Variants in BDH2 observed in about 807,000 individuals in gnomAD.
The protein encoded by BDH2 is 3-hydroxybutyrate dehydrogenase 2.
BDH2 carries 24 observed loss-of-function variants against 33.2 expected under a neutral mutation model. The ratio of observed to expected loss-of-function variants is 0.72; its 90% CI spans 0.52 to 1.02. The LOEUF is 1.02. BDH2 is among the 50% of genes least tolerant of loss of function. The probability of loss-of-function intolerance (pLI) is 0.00; values close to 1 mark genes in which losing one functional copy is unlikely to be tolerated. For synonymous variants in BDH2, 81 were observed against 101.6 expected, an observed-to-expected ratio of 0.80 and a Z score of 1.22; for missense variants, 249 against 301.6, an observed-to-expected ratio of 0.83 and a Z score of 1.29.
chr4:103,080,003 T>C (rs1161561388), intron 9 of BDH2, among the ~76,000 whole-genome samples: 13 of 152,204 alleles, frequency 8.5e-5, no homozygotes, highest in African/African-American at 2.4e-4. Flanking sequence ...AGGTATTTGG[T>C]CTCAGAATCC....
At position 103,078,494 on chromosome 4, in the gene BDH2, A is replaced by G. The variant is rs1474132708; in HGVS notation, c.*1208T>C. ...CAAATATCATTGCTTATTTTAATAA[A>G]GATTGTTTAGTTAGACTAAGAAAAT... On this transcript the variant is annotated 3_prime_UTR_variant, in exon 10 of 10. Transcript: ENST00000296424. 6.6e-6 allele frequency among the ~76,000 whole-genome samples: 1 copy of G among 152,208 alleles called. No individual in the cohort carries two copies. The highest frequency in any genetic ancestry group is 1.9e-4 in the East Asian group (1 of 5,208).
chr4:103,081,690 C>A lies in BDH2; in HGVS notation c.684+391G>T, dbSNP rs543407898. Among the ~76,000 whole-genome samples the A allele has an allele frequency of 7.9e-5, 12 of 152,338 alleles. No homozygotes were observed. In the East Asian group the frequency reaches 2.3e-3, roughly 29 times the overall value. On this transcript the variant is annotated intron_variant, in intron 9 of 9. Transcript: ENST00000296424. ...ACACCACATGCGAATTCTGTGTCCA[C>A]TGAACACAAATCTGCTTAATCCTCT... is the stretch of plus-strand genomic sequence containing the variant.
At chr4:103,087,349 G>A (rs945558620) in intron 5 of BDH2, among the ~76,000 whole-genome samples, 16 of 152,122 alleles carry the variant, frequency 1.1e-4, no homozygotes, top group Non-Finnish European at 2.2e-4. Context: ...GAAGTGGCAT[G>A]TTCAGACTTG....
At chr4:103,097,154 G>C (rs1254059587) in intron 1 of BDH2, among the ~76,000 whole-genome samples, 2 of 152,090 alleles carry the variant, frequency 1.3e-5, no homozygotes, top group Non-Finnish European at 2.9e-5. Context: ...TTACAGATGA[G>C]GAAACTGCTG....
At chr4:103,091,139 TGTG>T (rs768580395) in intron 5 of BDH2, 35 bp downstream of exon 5, 1 of 1,335,356 alleles carries the variant, frequency 7.5e-7, no homozygotes, top group East Asian at 2.3e-5. Context: ...AGAGACCTAA[TGTG>T]GTGCTTATCC....
intron 5 of BDH2, among the ~76,000 whole-genome samples, chr4:103,089,159 T>C (rs1022256743): frequency 6.6e-5 from 10 of 152,182 alleles, no homozygotes; most frequent in African/African-American, 1.9e-4. Context: ...AGACTCCAAA[T>C]CCTAGCTTCC....
chr4:103,081,040 C>G (rs931942366), intron 9 of BDH2, among the ~76,000 whole-genome samples: 1 of 152,198 alleles, frequency 6.6e-6, no homozygotes, highest in Admixed American at 6.5e-5. Context: ...ATCAGTTGTT[C>G]CCTCCTCGCT....
At chr4:103,092,567 T>C in intron 4 of BDH2, 33 bp downstream of exon 4, 1 of 1,456,270 alleles carries the variant, frequency 6.9e-7, no homozygotes, top group Non-Finnish European at 9.6e-7. Flanking sequence ...AAACTTTCTG[T>C]AAGGAAAGTG....
In BDH2 at chr4:103,078,968, A is replaced by G. The variant is rs370693175; in HGVS notation, c.*734T>C. 4.8e-4 allele frequency among the ~76,000 whole-genome samples: 73 copies of G among 152,268 alleles called. No homozygotes were observed. Among genetic ancestry groups the G allele is most frequent in the African/African-American group, 1.6e-3 (68 of 41,532 alleles). ...GCAGGAATTATAGGCATGAGCTACC[A>G]TGCCTAGTCCTGAAATTACTATCTT... On this transcript the variant is annotated 3_prime_UTR_variant, in exon 10 of 10. Transcript: ENST00000296424.
chr4:103,094,862 T>C (rs1748300492), intron 3 of BDH2, among the ~76,000 whole-genome samples: 2 of 152,184 alleles, frequency 1.3e-5, no homozygotes. Flanking sequence ...TGGACAGGGC[T>C]ATCCTAGAGG....
intron 1 of BDH2, chr4:103,098,532 G>C (rs554026916): frequency 2.0e-5 from 3 of 152,348 alleles, no homozygotes; most frequent in South Asian, 2.1e-4. Context: ...CCACCTTCTC[G>C]GGGCCGTTAC....
In BDH2 at chr4:103,091,227, T is replaced by G. The variant is rs777020376; in HGVS notation, c.307A>C (p.Asn103His). The change falls in exon 5 of 10, where the codon AAT becomes CAT. Residue 103 changes from asparagine to histidine, a missense_variant. Transcript: ENST00000296424. Reference protein sequence around the residue: ...CEEKDWDFSMNLNVRSMYLMI... With the variant: ...CEEKDWDFSMHLNVRSMYLMI... ...AGGTACATGCTGCGCACATTGAGAT[T>G]CATCGAGAAGTCCCAGTCTTTCTCC... The G allele has an allele frequency of 2.5e-6, 4 of 1,613,458 alleles. No individual in the cohort carries two copies. In the Admixed American group the frequency reaches 5.0e-5, roughly 20 times the overall value.
intron 5 of BDH2, among the ~76,000 whole-genome samples, chr4:103,087,072 C>T (rs140214428): frequency 3.3e-5 from 5 of 151,930 alleles, no homozygotes; most frequent in Non-Finnish European, 7.4e-5. Flanking sequence ...TCAGGCTGGG[C>T]GACACTCAGA....
intron 5 of BDH2, among the ~76,000 whole-genome samples, chr4:103,087,065 G>A (rs1308041932): frequency 6.6e-6 from 1 of 152,186 alleles, no homozygotes; most frequent in African/African-American, 2.4e-5. Flanking sequence ...GAGCAATTCA[G>A]GCTGGGCGAC....
intron 1 of BDH2, among the ~76,000 whole-genome samples, chr4:103,098,003 G>C (rs1239669922): frequency 6.6e-6 from 1 of 151,466 alleles, no homozygotes; most frequent in East Asian, 1.9e-4. Flanking sequence ...CTCCACACTT[G>C]GTCCAAGGTC....
At chr4:103,088,590 C>A (rs72665038) in intron 5 of BDH2, among the ~76,000 whole-genome samples, 4,520 of 152,266 alleles carry the variant, frequency 0.03, 89 homozygotes, top group Middle Eastern at 0.068. Context: ...CAATAGCCTT[C>A]TCTGGCAGGC....
intron 3 of BDH2, among the ~76,000 whole-genome samples, chr4:103,094,451 T>C (rs2125811166): frequency 6.6e-6 from 1 of 152,262 alleles, no homozygotes; most frequent in South Asian, 2.1e-4. Context: ...CAGAGGTAAC[T>C]AAATGAGGTA....
At chr4:103,083,256 G>A (rs138493562) in intron 7 of BDH2, among the ~76,000 whole-genome samples, 1 of 152,198 alleles carries the variant, frequency 6.6e-6, no homozygotes, top group Non-Finnish European at 1.5e-5. Flanking sequence ...TTATGCATAT[G>A]ATCTCAGCTA....
At chr4:103,082,194 A>G (rs371784058) in intron 8 of BDH2, 21 bp from the exon 9 acceptor site, 2 of 1,602,468 alleles carry the variant, frequency 1.2e-6, no homozygotes, top group African/African-American at 2.7e-5. Flanking sequence ...AGACCATACC[A>G]GACATTAGTG....
Sources: gnomAD v4.1 joint callset for allele counts (sites outside exome capture counted in the v4.1 genomes callset) on GRCh38, gnomAD v4.1.1 for gene constraint, MANE v1.5 for transcripts, NCBI Gene and HGNC (gene_info 2026-07-23, HGNC 2026-07-21) for gene names.